Variants in SEC63 observed in about 807,000 individuals in gnomAD.
The protein encoded by SEC63 is translocation protein SEC63 homolog.
In SEC63, 56 loss-of-function variants were observed where a neutral mutation model predicts 116.2. The observed-to-expected ratio is 0.48, with a 90% CI of 0.39 to 0.60. The LOEUF (loss-of-function observed/expected upper bound fraction) is 0.60. SEC63 is among the 20% of genes least tolerant of loss of function. The pLI is 0.00. For synonymous variants in SEC63, 273 were observed against 294.6 expected (o/e 0.93, Z 0.75); for missense variants, 668 against 900.0 (o/e 0.74, Z 3.30).
chr6:107,952,766 C>CA (rs879631565), intron 1 of SEC63, among the ~76,000 whole-genome samples: 41 of 148,380 alleles, frequency 2.8e-4, no homozygotes, highest in African/African-American at 4.2e-4. Flanking sequence ...CCAAAACAAA[C>CA]AAAAAAAAAA....
intron 1 of SEC63, among the ~76,000 whole-genome samples, chr6:107,931,609 C>T (rs1292496065): frequency 1.4e-5 from 2 of 146,942 alleles, no homozygotes; most frequent in Non-Finnish European, 3.0e-5. Flanking sequence ...ATTAGCCAGG[C>T]GTGGTGGCAC....
At chr6:107,871,993 T>C (rs932704828) in intron 20 of SEC63, 146 bp from the exon 21 acceptor site, 4 of 760,074 alleles carry the variant, frequency 5.3e-6, no homozygotes, top group Non-Finnish European at 8.8e-6. Context: ...CTCATTCATT[T>C]AGAACAGACA....
chr6:107,892,818 G>A (rs1258023723), intron 16 of SEC63, among the ~76,000 whole-genome samples: 1 of 152,130 alleles, frequency 6.6e-6, no homozygotes, highest in African/African-American at 2.4e-5. Flanking sequence ...ATAGCTAAAA[G>A]ACTGGTAAAA....
chr6:107,957,999 T>C lies in SEC63; in HGVS notation c.11A>G (p.Gln4Arg), dbSNP rs1389875293. The C allele has an allele frequency of 5.6e-6, 9 of 1,613,200 alleles. No homozygotes were observed. Among genetic ancestry groups the C allele is most frequent in the Non-Finnish European group, 7.6e-6 (9 of 1,179,516 alleles). MAG[Q>R]QFQYDDSGNT... ...CCCACTGTCATCGTACTGGAACTGC[T>C]GCCCGGCCATGGCACCCCCTCCTCC... is the stretch of plus-strand genomic sequence containing the variant. The change falls in exon 1 of 21, where the codon CAG (glutamine) becomes CGG (arginine). Residue 4 changes from glutamine to arginine, a missense_variant. By Grantham distance (43) the Gln-to-Arg change is conservative (BLOSUM62 1). Around this residue, in one of 5 missense-constraint regions of SEC63, gnomAD observed 142 missense variants for 169.5 expected, o/e 0.84. Transcript: ENST00000369002.
At chr6:107,881,276 T>C (rs754834382) in intron 17 of SEC63, 26 bp from the exon 18 acceptor site, 1 of 1,459,776 alleles carries the variant, frequency 6.9e-7, no homozygotes, top group South Asian at 1.1e-5. Context: ...ATTAAAATAT[T>C]TAAAATCTAG....
intron 16 of SEC63, among the ~76,000 whole-genome samples, chr6:107,884,468 ATAAT>A (rs1470712178): frequency 4.6e-5 from 7 of 152,160 alleles, no homozygotes; most frequent in Non-Finnish European, 7.3e-5. Flanking sequence ...AACAAATTTA[ATAAT>A]TAAGAGGAAA....
chr6:107,927,533 T>C (rs934980229), intron 2 of SEC63, among the ~76,000 whole-genome samples: 3 of 152,160 alleles, frequency 2.0e-5, no homozygotes, highest in Non-Finnish European at 2.9e-5. Flanking sequence ...CCAGTATATA[T>C]TTAATTCTTC....
chr6:107,944,696 C>CAAAATAAAAATA (rs57347234), intron 1 of SEC63, among the ~76,000 whole-genome samples: 219 of 149,074 alleles, frequency 1.5e-3, no homozygotes, highest in Middle Eastern at 3.4e-3. Flanking sequence ...CTCTTGTCTC[C>CAAAATAAAAATA]AAAATAAAAA....
At chr6:107,928,627 A>C (rs534289856) in intron 2 of SEC63, among the ~76,000 whole-genome samples, 45 of 152,330 alleles carry the variant, frequency 3.0e-4, no homozygotes, top group Non-Finnish European at 5.7e-4. Context: ...TTCTACTCTC[A>C]CTAATTTCTT....
intron 1 of SEC63, among the ~76,000 whole-genome samples, chr6:107,933,644 G>A (rs1193141813): frequency 6.6e-6 from 1 of 152,098 alleles, no homozygotes. Context: ...GACTAAAGGA[G>A]ACTAAAGAAA....
chr6:107,880,542 A>C (rs1786391631), intron 18 of SEC63, among the ~76,000 whole-genome samples: 1 of 152,222 alleles, frequency 6.6e-6, no homozygotes, highest in South Asian at 2.1e-4. Flanking sequence ...AAACAAGGAC[A>C]AGGCAACAAA....
chr6:107,942,721 T>G (rs1487542433), intron 1 of SEC63, among the ~76,000 whole-genome samples: 3 of 152,212 alleles, frequency 2.0e-5, no homozygotes, highest in African/African-American at 7.2e-5. Context: ...CTGGAAGCCT[T>G]ATGGATAACA....
chr6:107,875,875 T>C (rs1482281530), intron 19 of SEC63, among the ~76,000 whole-genome samples: 1 of 152,128 alleles, frequency 6.6e-6, no homozygotes, highest in Non-Finnish European at 1.5e-5. Flanking sequence ...ATTACAAACA[T>C]ACAGAGCCTC....
chr6:107,906,686 T>C lies in SEC63; in HGVS notation c.825A>G (p.Pro275=). Residue 275 remains proline, a synonymous_variant, in exon 9 of 21, where the codon CCA becomes CCG. Transcript: ENST00000369002. The part of the protein sequence containing the change: ...TSRPTDNILI[P]QLIREIGSIN... ...GGATTTGGGAAATTAGCCTAACCTGTGGTATTAGAATATTATCCGTTGGTC... is the reference window on the plus strand; with the variant it reads ...GGATTTGGGAAATTAGCCTAACCTGCGGTATTAGAATATTATCCGTTGGTC... 1.2e-6 allele frequency: 2 copies of C among 1,613,144 alleles called. No homozygotes were observed. The highest frequency in any genetic ancestry group is 1.7e-6 in the Non-Finnish European group (2 of 1,179,124).
At chr6:107,880,181 T>C (rs191838793) in intron 18 of SEC63, among the ~76,000 whole-genome samples, 66 of 152,294 alleles carry the variant, frequency 4.3e-4, no homozygotes, top group Non-Finnish European at 2.4e-4. Context: ...TCTCTCCAAG[T>C]CAAAACAACA....
At chr6:107,912,980 G>A (rs947889098) in intron 5 of SEC63, among the ~76,000 whole-genome samples, 4 of 151,812 alleles carry the variant, frequency 2.6e-5, no homozygotes, top group African/African-American at 9.7e-5. Flanking sequence ...AATTTTTCAA[G>A]GAAAAAGAAA....
chr6:107,879,724 CTTTT>C (rs67569380), intron 18 of SEC63, among the ~76,000 whole-genome samples: 55 of 126,636 alleles, frequency 4.3e-4, no homozygotes, highest in Admixed American at 6.5e-4. Flanking sequence ...TGATTTTTAT[CTTTT>C]TTTTTTTTTT....
Position 107,871,263 on chromosome 6 carries a change from CAACTTGAGCGATGTTACTTA to C in SEC63, c.*421_*440del, listed in dbSNP as rs1214789202. The C allele has an allele frequency of 5.4e-5, 10 of 184,388 alleles. No homozygotes were observed. The highest frequency in any genetic ancestry group is 1.1e-4 in the South Asian group (1 of 9,212). The allele number at this position is 184,388 out of a possible 1,614,324, so 11.4% of individuals were successfully genotyped here. On this transcript the variant is annotated 3_prime_UTR_variant, in exon 21 of 21. Coordinates refer to ENST00000369002, the MANE Select transcript of SEC63 (RefSeq NM_007214.5). The stretch of plus-strand genomic sequence containing the variant: ...ACAACAGAGCTTATCAAGAGATTAT[CAACTTGAGCGATGTTACTTA>C]AACTTGAGCGATGTTACTTAAAACA...
Position 107,958,194 on chromosome 6 carries a change from C to A in SEC63, c.-185G>T. On this transcript the variant is annotated 5_prime_UTR_variant, in exon 1 of 21. Transcript: ENST00000369002. ...CCTCTGCCGCTGCCGCCGCCGTCGC[C>A]AGCTCTCGCGAGAGGAGATAGTTCC... 1 of 854,302 alleles carries A rather than the reference C, an allele frequency of 1.2e-6. No homozygotes were observed. The highest frequency in any genetic ancestry group is 1.6e-5 in the South Asian group (1 of 63,674). The allele number at this position is 854,302 out of a possible 1,614,324, so 52.9% of individuals were successfully genotyped here.
Sources: allele counts gnomAD v4.1 joint callset (sites outside exome capture counted in the v4.1 genomes callset), GRCh38; gene constraint gnomAD v4.1.1; regional missense constraint gnomAD v4.1.1; transcripts MANE v1.5; gene names NCBI Gene and HGNC (gene_info 2026-07-23, HGNC 2026-07-21).